UBE2E3: variants seen among roughly 807,000 people sequenced by gnomAD.
UBE2E3 encodes ubiquitin conjugating enzyme E2 E3, also known as ubiquitin-conjugating enzyme E2 E3.
A neutral mutation model predicts 23.6 loss-of-function variants in UBE2E3; 5 were observed. The ratio of observed to expected loss-of-function variants is 0.21; its 90% CI spans 0.11 to 0.44. The LOEUF (loss-of-function observed/expected upper bound fraction) is 0.44, where lower values mean the gene tolerates loss of function less well. Among genes scored for constraint, UBE2E3 ranks in the 20% least tolerant of loss-of-function variants. The pLI, the probability that UBE2E3 is intolerant of heterozygous loss-of-function variation, is 0.99. For synonymous variants in UBE2E3, 78 were observed against 87.5 expected (o/e 0.89, Z 0.60); for missense variants, 81 against 249.8 (o/e 0.32, Z 4.55).
chr2:181,058,894 G>A (rs528832583), intron 4 of UBE2E3, among the ~76,000 whole-genome samples: 8 of 151,776 alleles, frequency 5.3e-5, no homozygotes, highest in South Asian at 2.1e-4. Flanking sequence ...GTGCTTTACC[G>A]TGTGGTCCCA....
intron 3 of UBE2E3, 96 bp downstream of exon 3, chr2:180,984,189 AT>A: frequency 9.3e-7 from 1 of 1,076,776 alleles, no homozygotes; most frequent in Middle Eastern, 2.1e-4. Context: ...AGGAGACAAC[AT>A]TTGCTTCTTT....
intron 3 of UBE2E3, chr2:180,987,391 A>G (rs1204217120): frequency 6.5e-7 from 1 of 1,549,814 alleles, no homozygotes; most frequent in Non-Finnish European, 8.7e-7. Flanking sequence ...GAAAGTTTAG[A>G]AAGGTACTGG....
chr2:181,061,957 G>A (rs1311120470), intron 5 of UBE2E3, among the ~76,000 whole-genome samples: 5 of 151,614 alleles, frequency 3.3e-5, no homozygotes, highest in South Asian at 2.1e-4. Flanking sequence ...TAGATGTAAC[G>A]TTTAAAAAGA....
intron 3 of UBE2E3, among the ~76,000 whole-genome samples, chr2:180,988,333 T>G (rs1480956039): frequency 1.3e-5 from 2 of 152,128 alleles, no homozygotes; most frequent in African/African-American, 4.8e-5. Flanking sequence ...AGCAATTTGT[T>G]TTTTAATGTC....
At position 181,057,752 on chromosome 2, in the gene UBE2E3, G is replaced by T; in HGVS notation, c.305G>T (p.Gly102Val). ...EWRSTILGPP[G>V]SVYEGGVFFL... ...AGATCAACTATACTTGGTCCACCGG[G>T]TTCTGTATATGAAGGTGGTGTGTTT... Residue 102 changes from glycine (G) to valine (V), a missense_variant, in exon 4 of 6, where the codon GGT becomes GTT. Gly to Val is a moderately radical substitution (Grantham distance 109). Transcript: ENST00000410062. 6.2e-7 allele frequency: 1 copy of T among 1,611,330 alleles called. No homozygotes were observed. The highest frequency in any genetic ancestry group is 8.5e-7 in the Non-Finnish European group (1 of 1,178,390).
intron 3 of UBE2E3, among the ~76,000 whole-genome samples, chr2:180,990,278 G>A (rs4666993): frequency 0.23 from 35,050 of 151,842 alleles, 4,362 homozygotes; most frequent in Non-Finnish European, 0.28. Context: ...GACGTCAGTG[G>A]TACTGCTGAA....
intron 3 of UBE2E3, among the ~76,000 whole-genome samples, chr2:181,051,273 C>T (rs1455952007): frequency 6.6e-6 from 1 of 151,732 alleles, no homozygotes; most frequent in Non-Finnish European, 1.5e-5. Context: ...AAATATAGGT[C>T]ATTCATTTTA....
At chr2:181,032,802 A>G (rs1448432612) in intron 3 of UBE2E3, among the ~76,000 whole-genome samples, 2 of 152,286 alleles carry the variant, frequency 1.3e-5, no homozygotes, top group East Asian at 1.9e-4. Flanking sequence ...TCAGCCCAAA[A>G]TCTCCTTAAG....
chr2:181,001,844 A>G (rs1023749658), intron 3 of UBE2E3, among the ~76,000 whole-genome samples: 4 of 152,192 alleles, frequency 2.6e-5, no homozygotes, highest in South Asian at 2.1e-4. Flanking sequence ...GTTTTCAAGT[A>G]TGGATGAGGG....
intron 3 of UBE2E3, among the ~76,000 whole-genome samples, chr2:181,029,659 CTTTTTTTTT>C (rs61149975): frequency 8.6e-6 from 1 of 116,844 alleles, no homozygotes; most frequent in Admixed American, 8.8e-5. Flanking sequence ...TGTAGACAAT[CTTTTTTTTT>C]TTTTTTTTTT....
chr2:181,053,791 G>A lies in UBE2E3; in HGVS notation c.246-3902G>A, dbSNP rs115470462. ...TTTACACATATATAGTGACATATCC[G>A]CCATTCATACCATACAGAAAAGTTC... On this transcript the variant is annotated intron_variant, in intron 3 of 5. Coordinates refer to ENST00000410062, the MANE Select transcript of UBE2E3 (RefSeq NM_006357.4). Among the ~76,000 whole-genome samples, 420 of 151,676 alleles carry A rather than the reference G, an allele frequency of 2.8e-3. 3 individuals are homozygous for A. Among genetic ancestry groups the A allele is most frequent in the African/African-American group, 9.8e-3 (404 of 41,396 alleles).
chr2:181,031,470 TG>T (rs1686074617), intron 3 of UBE2E3, among the ~76,000 whole-genome samples: 1 of 152,228 alleles, frequency 6.6e-6, no homozygotes, highest in African/African-American at 2.4e-5. Flanking sequence ...TTACCGTTTT[TG>T]TTTTTTTGTC....
chr2:181,039,243 T>G (rs1389535837), intron 3 of UBE2E3, among the ~76,000 whole-genome samples: 1 of 151,470 alleles, frequency 6.6e-6, no homozygotes, highest in Non-Finnish European at 1.5e-5. Flanking sequence ...GACTATACAT[T>G]TGTCAAAACT....
At chr2:181,018,571 C>A (rs1685569719) in intron 3 of UBE2E3, among the ~76,000 whole-genome samples, 1 of 147,296 alleles carries the variant, frequency 6.8e-6, no homozygotes, top group Non-Finnish European at 1.5e-5. Context: ...ATTTGCTGAT[C>A]TCCCTGCATT....
At chr2:181,044,418 A>G (rs952742862) in intron 3 of UBE2E3, among the ~76,000 whole-genome samples, 1 of 152,182 alleles carries the variant, frequency 6.6e-6, no homozygotes, top group African/African-American at 2.4e-5. Context: ...GATGCCAAAT[A>G]TCACTTCAGG....
At chr2:181,061,799 T>G (rs988863397) in intron 5 of UBE2E3, among the ~76,000 whole-genome samples, 4 of 151,058 alleles carry the variant, frequency 2.6e-5, no homozygotes, top group Non-Finnish European at 5.9e-5. Context: ...TAAGTTGACT[T>G]ACTTCTAAAT....
chr2:181,047,625 A>G (rs1001575145), intron 3 of UBE2E3, among the ~76,000 whole-genome samples: 2 of 151,848 alleles, frequency 1.3e-5, no homozygotes, highest in African/African-American at 4.8e-5. Flanking sequence ...AGTCTGGTTG[A>G]TTTTTGTTTT....
intron 3 of UBE2E3, among the ~76,000 whole-genome samples, chr2:181,036,413 C>A (rs1031063540): frequency 3.3e-5 from 5 of 152,202 alleles, no homozygotes; most frequent in Admixed American, 6.5e-5. Flanking sequence ...ATTGTACTTA[C>A]AACGTTCATG....
intron 3 of UBE2E3, among the ~76,000 whole-genome samples, chr2:181,042,508 T>C (rs1301688198): frequency 6.6e-6 from 1 of 152,130 alleles, no homozygotes; most frequent in African/African-American, 2.4e-5. Context: ...GAGGCAGTAG[T>C]CATCAGGGAG....
Sources: gnomAD v4.1 joint callset for allele counts (sites outside exome capture counted in the v4.1 genomes callset) on GRCh38, gnomAD v4.1.1 for gene constraint, MANE v1.5 for transcripts, NCBI Gene and HGNC (gene_info 2026-07-23, HGNC 2026-07-21) for gene names.